CACNB4: variants seen among roughly 807,000 people sequenced by gnomAD.
CACNB4 encodes the protein voltage-dependent L-type calcium channel subunit beta-4.
A neutral mutation model predicts 71.2 loss-of-function variants in CACNB4; 32 were observed. That is an observed-to-expected ratio of 0.45 (90% CI 0.34 to 0.60). The LOEUF (loss-of-function observed/expected upper bound fraction) is 0.60, where lower values mean the gene tolerates loss of function less well. CACNB4 is among the 20% of genes least tolerant of loss of function. The pLI is 0.01. For missense variants in CACNB4, 464 were observed against 647.9 expected (o/e 0.72, Z 3.08); for synonymous variants, 231 against 236.9 (o/e 0.97, Z 0.23).
intron 2 of CACNB4, among the ~76,000 whole-genome samples, chr2:152,047,093 G>A (rs1465429572): frequency 6.6e-6 from 1 of 152,140 alleles, no homozygotes; most frequent in Non-Finnish European, 1.5e-5. Context: ...CTAAGGAAAT[G>A]AATAAATAAC....
At chr2:152,006,959 G>A (rs187044445) in intron 2 of CACNB4, among the ~76,000 whole-genome samples, 1 of 152,252 alleles carries the variant, frequency 6.6e-6, no homozygotes, top group Admixed American at 6.5e-5. Flanking sequence ...AGAGCCTTAA[G>A]TAATCTTCCC....
chr2:151,898,982 C>A (rs1170486961), intron 2 of CACNB4, among the ~76,000 whole-genome samples: 1 of 152,204 alleles, frequency 6.6e-6, no homozygotes, highest in Non-Finnish European at 1.5e-5. Flanking sequence ...TTTTTCCTCC[C>A]AGAATCATCC....
intron 10 of CACNB4, chr2:151,857,496 AAC>A (rs1359212989): frequency 6.6e-6 from 1 of 152,228 alleles, no homozygotes; most frequent in African/African-American, 2.4e-5. Context: ...ACATGGCAGA[AAC>A]AGTTTTAAAA....
intron 2 of CACNB4, among the ~76,000 whole-genome samples, chr2:151,885,796 G>C (rs577750465): frequency 1.3e-4 from 20 of 152,174 alleles, no homozygotes; most frequent in African/African-American, 4.3e-4. Flanking sequence ...AAAAACTTTG[G>C]ACCTACAAAA....
At chr2:152,095,222 A>G (rs1688201273) in intron 2 of CACNB4, among the ~76,000 whole-genome samples, 1 of 152,238 alleles carries the variant, frequency 6.6e-6, no homozygotes, top group African/African-American at 2.4e-5. Context: ...CTTCATGAGC[A>G]GTCCTCAGAG....
At chr2:151,898,427 C>A (rs767522313) in intron 2 of CACNB4, among the ~76,000 whole-genome samples, 1 of 152,156 alleles carries the variant, frequency 6.6e-6, no homozygotes. Flanking sequence ...TCAAGGCCGG[C>A]ACTCTCAACA....
intron 2 of CACNB4, chr2:151,968,394 T>A (rs2099871694): frequency 6.6e-6 from 1 of 152,200 alleles, no homozygotes; most frequent in Non-Finnish European, 1.5e-5. Context: ...TAACTTAATG[T>A]TATGGATATC....
intron 2 of CACNB4, among the ~76,000 whole-genome samples, chr2:152,052,177 A>G (rs1271409363): frequency 6.6e-6 from 1 of 152,270 alleles, no homozygotes. Flanking sequence ...TGCTCAGAAT[A>G]CATATGTTAG....
intron 2 of CACNB4, among the ~76,000 whole-genome samples, chr2:151,920,922 A>C (rs1156927394): frequency 6.6e-6 from 1 of 152,054 alleles, no homozygotes; most frequent in Non-Finnish European, 1.5e-5. Flanking sequence ...ACGGATCACG[A>C]GGTCAGGAGA....
At chr2:151,892,024 G>A (rs2099850832) in intron 2 of CACNB4, among the ~76,000 whole-genome samples, 1 of 152,138 alleles carries the variant, frequency 6.6e-6, no homozygotes, top group Non-Finnish European at 1.5e-5. Flanking sequence ...ATTCCAGGGT[G>A]GCTGCTCAAG....
chr2:151,934,733 A>T (rs1416928784), intron 2 of CACNB4, among the ~76,000 whole-genome samples: 2 of 152,202 alleles, frequency 1.3e-5, no homozygotes, highest in African/African-American at 2.4e-5. Flanking sequence ...GCTACTTGGG[A>T]GGCTGAGGCA....
intron 2 of CACNB4, among the ~76,000 whole-genome samples, chr2:152,096,835 G>A (rs1688295363): frequency 6.6e-6 from 1 of 152,188 alleles, no homozygotes; most frequent in Non-Finnish European, 1.5e-5. Context: ...CATTAGTGCA[G>A]TTATGTAGAT....
At chr2:151,896,401 C>T (rs1359759059) in intron 2 of CACNB4, among the ~76,000 whole-genome samples, 2 of 152,222 alleles carry the variant, frequency 1.3e-5, no homozygotes, top group East Asian at 1.9e-4. Flanking sequence ...CACCAGCAAA[C>T]ACCCAGGGCT....
chr2:151,843,176 C>T (rs1235178888), intron 12 of CACNB4, among the ~76,000 whole-genome samples: 2 of 152,194 alleles, frequency 1.3e-5, no homozygotes, highest in Non-Finnish European at 2.9e-5. Flanking sequence ...GGGTGGCCCC[C>T]CTGTCATTGC....
intron 2 of CACNB4, among the ~76,000 whole-genome samples, chr2:151,989,852 C>A (rs1428793252): frequency 6.6e-6 from 1 of 152,164 alleles, no homozygotes; most frequent in Non-Finnish European, 1.5e-5. Flanking sequence ...ACTACCCACC[C>A]AGTTGTCCAA....
At chr2:151,888,491 G>C (rs368177473) in intron 2 of CACNB4, among the ~76,000 whole-genome samples, 1 of 152,082 alleles carries the variant, frequency 6.6e-6, no homozygotes. Flanking sequence ...GCTTGAGCCC[G>C]GGAGGTGGAG....
chr2:151,848,933 T>C (rs1156367286), intron 12 of CACNB4, among the ~76,000 whole-genome samples: 1 of 152,014 alleles, frequency 6.6e-6, no homozygotes, highest in Non-Finnish European at 1.5e-5. Flanking sequence ...CAATACTTGG[T>C]AGAAGCAAAA....
intron 9 of CACNB4, chr2:151,861,851 A>AAAAAAAAAAAAAAAAAAAAAACAAC (rs201014643): frequency 7.4e-6 from 1 of 135,288 alleles, no homozygotes; most frequent in African/African-American, 2.9e-5. Context: ...TCAAAAAAAA[A>AAAAAAAAAAAAAAAAAAAAAACAAC]AAAAAAACTG....
At chr2:151,939,152 TG>T (rs2099863649) in intron 2 of CACNB4, among the ~76,000 whole-genome samples, 1 of 152,226 alleles carries the variant, frequency 6.6e-6, no homozygotes, top group African/African-American at 2.4e-5. Flanking sequence ...GAATTATTAC[TG>T]GCATCCAAAA....
Sources: allele counts gnomAD v4.1 joint callset (sites outside exome capture counted in the v4.1 genomes callset), GRCh38; gene constraint gnomAD v4.1.1; transcripts MANE v1.5; gene names NCBI Gene and HGNC (gene_info 2026-07-23, HGNC 2026-07-21).